Variants in LYRM4 observed in about 807,000 individuals in gnomAD.
The protein encoded by LYRM4 is LYR motif-containing protein 4.
Under a neutral mutation model 11.7 loss-of-function variants are expected in LYRM4, and 9 were observed. The observed-to-expected ratio is 0.77, with a 90% confidence interval of 0.46 to 1.34. The LOEUF (loss-of-function observed/expected upper bound fraction) is 1.34, where lower values mean the gene tolerates loss of function less well. Ranked by LOEUF, LYRM4 falls within the 40% of genes most tolerant of loss-of-function variation. LYRM4 has a pLI of 0.00. For synonymous variants in LYRM4, 42 were observed against 40.4 expected (o/e 1.04, Z -0.15); for missense variants, 133 against 112.5 (o/e 1.18, Z -0.82).
At chr6:5,154,551 T>C (rs1758278128) in intron 2 of LYRM4, among the ~76,000 whole-genome samples, 1 of 152,122 alleles carries the variant, frequency 6.6e-6, no homozygotes, top group Admixed American at 6.5e-5. Context: ...GCGCGGTGGC[T>C]CAAGCCTGTA....
intron 2 of LYRM4, chr6:5,144,390 CA>C: frequency 9.7e-7 from 1 of 1,033,662 alleles, no homozygotes; most frequent in Non-Finnish European, 1.4e-6. Flanking sequence ...GTAATTCCAG[CA>C]CTTTGGGAGG....
chr6:5,220,646 A>C (rs1240204186), intron 1 of LYRM4, among the ~76,000 whole-genome samples: 1 of 152,186 alleles, frequency 6.6e-6, no homozygotes, highest in Non-Finnish European at 1.5e-5. Flanking sequence ...GTGCTGGTGT[A>C]TTCCGGGAGC....
At chr6:5,110,944 T>C (rs1485085335) in intron 2 of LYRM4, among the ~76,000 whole-genome samples, 1 of 152,176 alleles carries the variant, frequency 6.6e-6, no homozygotes, top group Non-Finnish European at 1.5e-5. Flanking sequence ...TCTTGAGGGC[T>C]GTGAGGAGCC....
chr6:5,227,914 G>A (rs376378221), intron 1 of LYRM4, among the ~76,000 whole-genome samples: 2 of 152,252 alleles, frequency 1.3e-5, no homozygotes, highest in South Asian at 4.1e-4. Context: ...GTTCGCACTC[G>A]TAAGTGGGAG....
rs1757024010 is a variant in LYRM4, at chr6:5,135,261, GACT to G, written c.208-25773_208-25771del. Among the ~76,000 whole-genome samples, 4 of 664 alleles carry G rather than the reference GACT, an allele frequency of 6.0e-3. 2 individuals carry two copies. The highest frequency in any genetic ancestry group is 0.016 in the Admixed American group (2 of 128). 0.4% of individuals were successfully genotyped at this position (664 alleles called of 152,430 possible). On this transcript the variant is annotated intron_variant, in intron 2 of 2. Coordinates refer to ENST00000330636, the MANE Select transcript of LYRM4 (RefSeq NM_020408.6). ...TGTGGAGGGTGCGGTTCACTCCCGG[GACT>G]GTGGAGGGTGCGGATCGCTCCTGGG...
chr6:5,148,032 C>A (rs1275601292), intron 2 of LYRM4, among the ~76,000 whole-genome samples: 1 of 152,150 alleles, frequency 6.6e-6, no homozygotes, highest in Non-Finnish European at 1.5e-5. Flanking sequence ...ACTCCCCAGG[C>A]CACCTGCCCT....
chr6:5,170,396 G>A (rs954604542), intron 2 of LYRM4, among the ~76,000 whole-genome samples: 1 of 152,006 alleles, frequency 6.6e-6, no homozygotes, highest in Non-Finnish European at 1.5e-5. Flanking sequence ...TTTTTCAAGG[G>A]GAGTATCCAA....
At chr6:5,120,522 G>T (rs990647370) in intron 2 of LYRM4, among the ~76,000 whole-genome samples, 2 of 152,190 alleles carry the variant, frequency 1.3e-5, no homozygotes, top group African/African-American at 4.8e-5. Context: ...TGTGGAGAGC[G>T]AAGGAACAAA....
chr6:5,062,906 A>C, the LYRM4 span, among the ~76,000 whole-genome samples: 5 of 152,172 alleles, frequency 3.3e-5, no homozygotes, highest in Admixed American at 1.3e-4. Context: ...CAGGAGGGGA[A>C]GGGAAGGAGG....
intron 2 of LYRM4, among the ~76,000 whole-genome samples, chr6:5,215,540 G>A (rs1030464454): frequency 2.0e-5 from 3 of 152,138 alleles, no homozygotes; most frequent in Non-Finnish European, 2.9e-5. Flanking sequence ...AGGAGAATCC[G>A]AAATGCTATT....
At chr6:5,066,696 G>A in the LYRM4 span, 3 of 909,234 alleles carry the variant, frequency 3.3e-6, no homozygotes, top group Non-Finnish European at 5.4e-6. Context: ...CAATAGGTGT[G>A]GAGGTCTATT....
At chr6:5,233,134 T>C (rs958150724) in intron 1 of LYRM4, among the ~76,000 whole-genome samples, 1 of 152,186 alleles carries the variant, frequency 6.6e-6, no homozygotes, top group African/African-American at 2.4e-5. Flanking sequence ...GCCTTCTCTC[T>C]GAAGACGCCC....
At chr6:5,239,798 T>C (rs1457033844) in intron 1 of LYRM4, among the ~76,000 whole-genome samples, 2 of 150,376 alleles carry the variant, frequency 1.3e-5, no homozygotes, top group African/African-American at 2.5e-5. Context: ...ACATTGGTCT[T>C]TTCCCAAGGC....
At chr6:5,075,726 A>T in the LYRM4 span, among the ~76,000 whole-genome samples, 1 of 152,218 alleles carries the variant, frequency 6.6e-6, no homozygotes, top group Non-Finnish European at 1.5e-5. Context: ...ATTGCTTTTT[A>T]AAAAATTCTT....
chr6:5,101,977 T>TTTTTTTTTTTTTTTTTTTA (rs1762518380), downstream of LYRM4, among the ~76,000 whole-genome samples: 1 of 139,010 alleles, frequency 7.2e-6, no homozygotes, highest in Admixed American at 7.3e-5. Flanking sequence ...TCTTTTTTTT[T>TTTTTTTTTTTTTTTTTTTA]TTTTTTTGGA....
chr6:5,065,602 A>G, the LYRM4 span, among the ~76,000 whole-genome samples: 1 of 152,240 alleles, frequency 6.6e-6, no homozygotes, highest in East Asian at 1.9e-4. Context: ...ACTTTATTCA[A>G]TTGTGAATAA....
intron 1 of LYRM4, among the ~76,000 whole-genome samples, chr6:5,236,065 C>A (rs1013067604): frequency 1.3e-5 from 2 of 152,150 alleles, no homozygotes; most frequent in Non-Finnish European, 2.9e-5. Context: ...TCTTCCTGAG[C>A]GCAGAGGGAA....
chr6:5,144,663 G>A (rs1389872586), intron 2 of LYRM4, among the ~76,000 whole-genome samples: 3 of 124,224 alleles, frequency 2.4e-5, no homozygotes, highest in East Asian at 4.6e-4. Flanking sequence ...AAAGAAATAC[G>A]TCAGGTGAAT....
intron 2 of LYRM4, among the ~76,000 whole-genome samples, chr6:5,201,724 C>T (rs1191725905): frequency 2.0e-5 from 3 of 152,194 alleles, no homozygotes; most frequent in Admixed American, 1.3e-4. Flanking sequence ...GGCACTCTGA[C>T]TTTCAGCAAG....
Sources: allele counts gnomAD v4.1 joint callset (sites outside exome capture counted in the v4.1 genomes callset), GRCh38; gene constraint gnomAD v4.1.1; transcripts MANE v1.5; gene names NCBI Gene and HGNC (gene_info 2026-07-23, HGNC 2026-07-21).